CUL4B: variants seen among roughly 807,000 people sequenced by gnomAD.
The protein encoded by CUL4B is cullin-4B.
CUL4B carries 1 observed loss-of-function variant against 69.2 expected under a neutral mutation model. That is an observed-to-expected ratio of 0.01 (90% CI 0.01 to 0.07). CUL4B has a LOEUF of 0.07. Among genes scored for constraint, CUL4B ranks in the 10% least tolerant of loss-of-function variants. The pLI, the probability that CUL4B is intolerant of heterozygous loss-of-function variation, is 1.00. For synonymous variants in CUL4B, 237 were observed against 223.2 expected (o/e 1.06, Z -0.55); for missense variants, 328 against 638.8 (o/e 0.51, Z 5.24).
chrX:120,538,012 G>T, intron 14 of CUL4B, 112 bp downstream of exon 14: 2 of 539,139 alleles, frequency 3.7e-6, no homozygotes, highest in Non-Finnish European at 6.2e-6. Context: ...CACCTCAGTT[G>T]CCATGAATTA....
upstream of CUL4B, among the ~76,000 whole-genome samples, chrX:120,566,365 A>AGG (rs1925531136): frequency 1.7e-5 from 1 of 58,770 alleles, no homozygotes; most frequent in South Asian, 8.0e-4. Flanking sequence ...ATATATATAT[A>AGG]TATATATATA....
chrX:120,529,939 A>G (rs1188512962), intron 19 of CUL4B, among the ~76,000 whole-genome samples, 163 bp downstream of exon 19: 2 of 71,527 alleles, frequency 2.8e-5, no homozygotes, highest in African/African-American at 3.7e-5. Context: ...ATATGCCAAC[A>G]AAGTTTTTTT....
At chrX:120,532,656 T>C (rs772093762) in intron 17 of CUL4B, 62 bp from the exon 18 acceptor site, 14 of 964,398 alleles carry the variant, frequency 1.5e-5, no homozygotes, top group Non-Finnish European at 1.8e-5. Context: ...ACATTCTACC[T>C]CAATCTAGCT....
chrX:120,566,080 G>C (rs949188577), upstream of CUL4B, among the ~76,000 whole-genome samples: 20 of 107,475 alleles, frequency 1.9e-4, no homozygotes, highest in Non-Finnish European at 3.6e-4. Flanking sequence ...TTTGAAGCAG[G>C]AAAGTACAGA....
intron 9 of CUL4B, among the ~76,000 whole-genome samples, chrX:120,542,511 T>C (rs772560676): frequency 1.8e-5 from 2 of 112,199 alleles, no homozygotes; most frequent in Non-Finnish European, 3.8e-5. Flanking sequence ...TGGTTTGACA[T>C]GCCATGAACA....
chrX:120,570,227 G>T (rs1267755225), downstream of CUL4B, among the ~76,000 whole-genome samples: 1 of 111,431 alleles, frequency 9.0e-6, no homozygotes, highest in Non-Finnish European at 1.9e-5. Context: ...GAATCACAAA[G>T]CGGGAGAATA....
In CUL4B at chrX:120,525,876, T is replaced by G. The variant is rs1922940315; in HGVS notation, c.*885A>C. ...AAGTCTAAAGTATGTTGAAAACTAG[T>G]TGCAAAGTTTTTGCTCCTGTAACAA... On this transcript the variant is annotated 3_prime_UTR_variant, in exon 20 of 20. Coordinates refer to ENST00000371322, the MANE Select transcript of CUL4B (RefSeq NM_001079872.2). The G allele has an allele frequency of 8.9e-6, 1 of 112,017 alleles. No individual in the cohort carries two copies. The allele number at this position is 112,017 out of a possible 1,213,427, so 9.2% of individuals were successfully genotyped here. A position where few individuals can be genotyped will look rare whatever the true frequency, so the allele number is the denominator to read the frequency against.
At chrX:120,547,535 A>G (rs1416159552) in intron 2 of CUL4B, among the ~76,000 whole-genome samples, 1 of 112,191 alleles carries the variant, frequency 8.9e-6, no homozygotes, top group African/African-American at 3.2e-5. Context: ...CTGCTCAAAG[A>G]AAATCCTACT....
In CUL4B at chrX:120,538,724, G is replaced by A; in HGVS notation, c.1788C>T (p.Arg596=). 8.3e-7 allele frequency: 1 copy of A among 1,208,705 alleles called. No individual in the cohort carries two copies. Among genetic ancestry groups the A allele is most frequent in the Non-Finnish European group, 1.1e-6 (1 of 893,282 alleles). The change falls in exon 13 of 20, where the codon CGC becomes CGT. Residue 596 remains arginine (R), a synonymous_variant. Coordinates refer to ENST00000371322, the MANE Select transcript of CUL4B (RefSeq NM_001079872.2). ...CAGATGCACTCTTTCCGACTAACAG[G>A]CGCTTGGCTAAATCTTTCTTATAGA... is the stretch of plus-strand genomic sequence containing the variant. ...EAFYKKDLAK[R]LLVGKSASVD... is the part of the protein sequence containing the mutation.
intron 16 of CUL4B, 28 bp downstream of exon 16, chrX:120,535,802 A>T: frequency 3.1e-6 from 3 of 952,918 alleles, no homozygotes; most frequent in Non-Finnish European, 4.5e-6. Context: ...AAAGATGAAA[A>T]CTAAAAGTTT....
chrX:120,571,155 C>G (rs1387172113), downstream of CUL4B: 1 of 110,843 alleles, frequency 9.0e-6, no homozygotes, highest in Non-Finnish European at 1.9e-5. Flanking sequence ...CAGTAATGTT[C>G]TAGTTCTTAC....
At position 120,524,319 on chromosome X, in the gene CUL4B, A is replaced by C. The variant is rs1056121786; in HGVS notation, c.*2442T>G. Among the ~76,000 whole-genome samples, 23 of 111,821 alleles carry C rather than the reference A, an allele frequency of 2.1e-4. No individual in the cohort carries two copies. The highest frequency in any genetic ancestry group is 7.4e-4 in the African/African-American group (23 of 30,876). On this transcript the variant is annotated 3_prime_UTR_variant, in exon 20 of 20. Transcript: ENST00000371322. ...TCTAGACTCATTTCATATTGACTTT[A>C]TGAAACAATTTGACACTGAGGATTT...
upstream of CUL4B, among the ~76,000 whole-genome samples, chrX:120,565,789 C>T (rs1478525079): frequency 1.1e-5 from 1 of 94,522 alleles, no homozygotes; most frequent in East Asian, 3.5e-4. Flanking sequence ...GCAGCGGCGC[C>T]ATCTCAGCTC....
upstream of CUL4B, chrX:120,561,008 G>T (rs1925267158): frequency 1.3e-5 from 13 of 963,573 alleles, no homozygotes; most frequent in South Asian, 2.1e-4. Context: ...CCTGGGAGGG[G>T]AGAGGCTGTG....
intron 10 of CUL4B, 76 bp downstream of exon 10, chrX:120,541,526 G>T: frequency 2.8e-6 from 2 of 723,312 alleles, no homozygotes; most frequent in Non-Finnish European, 4.3e-6. Context: ...GATCAAACAA[G>T]AAATGCTTGC....
At chrX:120,534,607 T>A in intron 16 of CUL4B, 21 bp from the exon 17 acceptor site, 11 of 1,029,198 alleles carry the variant, frequency 1.1e-5, no homozygotes, top group Non-Finnish European at 1.5e-5. Context: ...AATAAAAGTG[T>A]TTAGTCATCA....
chrX:120,532,204 C>T (rs1023297675), intron 18 of CUL4B: 1 of 348,935 alleles, frequency 2.9e-6, no homozygotes. Context: ...ACTAAATAAA[C>T]AAAGTAAGAT....
chrX:120,543,170 T>C, intron 8 of CUL4B, 137 bp from the exon 9 acceptor site: 1 of 455,626 alleles, frequency 2.2e-6, no homozygotes, highest in South Asian at 3.5e-5. Flanking sequence ...TATAAATTTA[T>C]TGGTGCTCAG....
At chrX:120,559,715 A>C in intron 1 of CUL4B, 1 of 909,257 alleles carries the variant, frequency 1.1e-6, no homozygotes, top group Non-Finnish European at 1.4e-6. Flanking sequence ...TAAAAATCCC[A>C]GCAATGCCAA....
Sources: allele counts gnomAD v4.1 joint callset (sites outside exome capture counted in the v4.1 genomes callset), GRCh38; gene constraint gnomAD v4.1.1; transcripts MANE v1.5; gene names NCBI Gene and HGNC (gene_info 2026-07-23, HGNC 2026-07-21).